The following TRIM24 variants were observed in gnomAD, a reference collection of about 807,000 sequenced individuals.
TRIM24 encodes transcription intermediary factor 1-alpha.
In TRIM24, 29 loss-of-function variants were observed where a neutral mutation model predicts 123.9. That is an observed-to-expected ratio of 0.23 (90% CI 0.17 to 0.32). TRIM24 has a LOEUF of 0.32. Among genes scored for constraint, TRIM24 ranks in the 10% least tolerant of loss-of-function variants. The pLI is 1.00. For missense variants in TRIM24, 932 were observed against 1,295.3 expected, an observed-to-expected ratio of 0.72 and a Z score of 4.31; for synonymous variants, 456 against 461.1, an observed-to-expected ratio of 0.99 and a Z score of 0.14.
intron 1 of TRIM24, among the ~76,000 whole-genome samples, chr7:138,485,666 T>G (rs1795629416): frequency 6.6e-6 from 1 of 152,212 alleles, no homozygotes; most frequent in Non-Finnish European, 1.5e-5. Flanking sequence ...ACAAAGGACA[T>G]GAACTCATCC....
chr7:138,579,990 C>T (rs930866706), intron 15 of TRIM24, among the ~76,000 whole-genome samples: 1 of 152,132 alleles, frequency 6.6e-6, no homozygotes. Flanking sequence ...TCATAAGGAA[C>T]AATGTCCCTA....
In TRIM24 at chr7:138,545,490, A is replaced by G; in HGVS notation, c.1144-5573A>G. On this transcript the variant is annotated intron_variant, in intron 7 of 18. Transcript: ENST00000343526. ...TTTCCAGAGAAGGTGTTTAGAAAGAAGTTAGGCTAGGAAGGGCCCAAAGAT... is the reference window on the plus strand; with the variant it reads ...TTTCCAGAGAAGGTGTTTAGAAAGAGGTTAGGCTAGGAAGGGCCCAAAGAT... The G allele has an allele frequency of 4.4e-6, 2 of 457,072 alleles. 1 individual carries two copies. Among genetic ancestry groups the G allele is most frequent in the Non-Finnish European group, 8.8e-6 (2 of 227,054 alleles). 28.3% of individuals were successfully genotyped at this position (457,072 alleles called of 1,614,324 possible). A position where few individuals can be genotyped will look rare whatever the true frequency, so the allele number is the denominator to read the frequency against.
At chr7:138,525,196 C>T in intron 4 of TRIM24, 45 bp from the exon 5 acceptor site, 3 of 880,276 alleles carry the variant, frequency 3.4e-6, no homozygotes, top group South Asian at 2.2e-5. Context: ...TGGACTTTTT[C>T]CTCATTGTAT....
At chr7:138,578,328 CTG>C (rs1446763671) in intron 14 of TRIM24, among the ~76,000 whole-genome samples, 1 of 152,084 alleles carries the variant, frequency 6.6e-6, no homozygotes, top group African/African-American at 2.4e-5. Flanking sequence ...TAACTAAAAA[CTG>C]TGATGCAATC....
chr7:138,533,055 A>C (rs925520787), intron 6 of TRIM24, among the ~76,000 whole-genome samples: 12 of 152,312 alleles, frequency 7.9e-5, no homozygotes, highest in East Asian at 5.8e-4. Flanking sequence ...ATTTTTGCAC[A>C]TTGATTTTGT....
At chr7:138,578,471 A>G (rs1036966559) in intron 14 of TRIM24, among the ~76,000 whole-genome samples, 1 of 152,118 alleles carries the variant, frequency 6.6e-6, no homozygotes, top group Non-Finnish European at 1.5e-5. Context: ...ACCAACTAAA[A>G]CAATCAATGC....
At chr7:138,552,343 T>C (rs778753266) in intron 8 of TRIM24, among the ~76,000 whole-genome samples, 10 of 152,208 alleles carry the variant, frequency 6.6e-5, no homozygotes, top group Non-Finnish European at 1.3e-4. Context: ...AAAAAGAGAC[T>C]GTCATTTTGG....
chr7:138,544,048 TGAA>T, intron 7 of TRIM24, among the ~76,000 whole-genome samples: 1 of 152,282 alleles, frequency 6.6e-6, no homozygotes, highest in East Asian at 1.9e-4. Flanking sequence ...CCAGCTGTCT[TGAA>T]CTACAGGTGT....
chr7:138,577,004 G>A (rs77013883), intron 13 of TRIM24, among the ~76,000 whole-genome samples: 1,804 of 152,154 alleles, frequency 0.012, 38 homozygotes, highest in African/African-American at 0.041. Context: ...AAAGCTTTTT[G>A]ACCCACTACC....
chr7:138,499,970 G>C (rs925536273), intron 1 of TRIM24, among the ~76,000 whole-genome samples: 1 of 152,050 alleles, frequency 6.6e-6, no homozygotes, highest in African/African-American at 2.4e-5. Flanking sequence ...CCTCTCCCTT[G>C]TCTGTCATGG....
intron 2 of TRIM24, among the ~76,000 whole-genome samples, chr7:138,512,425 AG>A (rs1796309706): frequency 6.6e-6 from 1 of 152,122 alleles, no homozygotes; most frequent in Admixed American, 6.5e-5. Flanking sequence ...TTCTCCGTGA[AG>A]GCTCTGCCCC....
chr7:138,475,272 T>C (rs1005419745), intron 1 of TRIM24, among the ~76,000 whole-genome samples: 2 of 152,138 alleles, frequency 1.3e-5, no homozygotes, highest in Non-Finnish European at 2.9e-5. Context: ...TTAAGGATAT[T>C]ATATAAAGAT....
In TRIM24 at chr7:138,579,549, C is replaced by G; in HGVS notation, c.2585+17C>G. On this transcript the variant is annotated intron_variant, in intron 15 of 18. Coordinates refer to ENST00000343526, the MANE Select transcript of TRIM24 (RefSeq NM_015905.3). ...TTTTCCAAGGTAAGATAGTACTTCCCTTCCCACATTCTTTTACTGTAAACT... is the reference window on the plus strand; with the variant it reads ...TTTTCCAAGGTAAGATAGTACTTCCGTTCCCACATTCTTTTACTGTAAACT... 6.4e-7 allele frequency: 1 copy of G among 1,551,282 alleles called. No individual in the cohort carries two copies. The highest frequency in any genetic ancestry group is 8.7e-7 in the Non-Finnish European group (1 of 1,144,634).
intron 4 of TRIM24, among the ~76,000 whole-genome samples, chr7:138,522,430 C>A (rs1238974931): frequency 1.3e-5 from 2 of 151,852 alleles, no homozygotes; most frequent in African/African-American, 2.4e-5. Context: ...TACATTCTTA[C>A]AATAAAATAT....
intron 1 of TRIM24, among the ~76,000 whole-genome samples, chr7:138,494,288 A>G (rs1015381194): frequency 2.2e-4 from 34 of 151,804 alleles, no homozygotes; most frequent in Admixed American, 2.2e-3. Flanking sequence ...GACTGGTGTT[A>G]TTATTTTTTA....
intron 4 of TRIM24, among the ~76,000 whole-genome samples, chr7:138,520,207 G>A (rs574549219): frequency 2.6e-5 from 4 of 152,174 alleles, no homozygotes; most frequent in Non-Finnish European, 5.9e-5. Flanking sequence ...TAGAGTGCAA[G>A]GATCATGCAT....
At chr7:138,559,188 G>A (rs184851238) in intron 9 of TRIM24, among the ~76,000 whole-genome samples, 280 of 152,222 alleles carry the variant, frequency 1.8e-3, no homozygotes, top group African/African-American at 6.3e-3. Flanking sequence ...AGGTTACCTG[G>A]TTATGAGCAC....
At chr7:138,531,372 C>G (rs551708487) in intron 6 of TRIM24, among the ~76,000 whole-genome samples, 51 of 147,512 alleles carry the variant, frequency 3.5e-4, no homozygotes, top group African/African-American at 1.1e-3. Context: ...CCCCCCTCCC[C>G]CAACCCCACA....
chr7:138,558,455 G>A (rs1399174270), intron 9 of TRIM24, among the ~76,000 whole-genome samples: 1 of 152,036 alleles, frequency 6.6e-6, no homozygotes, highest in Non-Finnish European at 1.5e-5. Flanking sequence ...AGTTACCTTG[G>A]GGCATTAGCT....
Sources: gnomAD v4.1 joint callset for allele counts (sites outside exome capture counted in the v4.1 genomes callset) on GRCh38, gnomAD v4.1.1 for gene constraint, MANE v1.5 for transcripts, NCBI Gene and HGNC (gene_info 2026-07-23, HGNC 2026-07-21) for gene names.